EPS8: variants seen among roughly 807,000 people sequenced by gnomAD.
EPS8 encodes epidermal growth factor receptor kinase substrate 8.
In EPS8, 42 loss-of-function variants were observed where a neutral mutation model predicts 103.8. The ratio of observed to expected loss-of-function variants is 0.40; its 90% CI spans 0.32 to 0.52. The LOEUF is 0.52. Among genes scored for constraint, EPS8 ranks in the 20% least tolerant of loss-of-function variants. The pLI is 0.40. For synonymous variants in EPS8, 344 were observed against 344.6 expected (o/e 1.00, Z 0.02); for missense variants, 969 against 1,005.1 (o/e 0.96, Z 0.49).
chr12:15,729,719 A>G (rs993959169), intron 1 of EPS8, among the ~76,000 whole-genome samples: 1 of 152,018 alleles, frequency 6.6e-6, no homozygotes, highest in Admixed American at 6.5e-5. Context: ...TATCTTCTCA[A>G]TGTTGGAGAT....
At position 15,760,106 on chromosome 12, in the gene EPS8, G is replaced by C. The variant is rs888133580; in HGVS notation, c.-22+29055C>G. ...AAAGATCTAAGTAAATAAAATCAGA[G>C]ATGAAAAAGTAGACATTACAGCTGA... On this transcript the variant is annotated intron_variant, in intron 1 of 20. Transcript: ENST00000281172. This position sits in a 1 kb window ranked among gnomAD's most constrained non-coding sequence, Gnocchi z 4.5. 5.3e-5 allele frequency among the ~76,000 whole-genome samples: 8 copies of C among 151,812 alleles called. 1 individual carries two copies. Among genetic ancestry groups the C allele is most frequent in the Middle Eastern group, 3.2e-3 (1 of 316 alleles).
At chr12:15,626,969 C>T (rs1944957766) in intron 18 of EPS8, among the ~76,000 whole-genome samples, 1 of 152,146 alleles carries the variant, frequency 6.6e-6, no homozygotes, top group African/African-American at 2.4e-5. Context: ...GTCTCCAAAC[C>T]ACTTACCACC....
rs969301622 is a variant in EPS8 at position 15,657,980 on chromosome 12, G to A, written c.1101+99C>T. On this transcript the variant is annotated intron_variant, in intron 12 of 20. Coordinates refer to ENST00000281172, the MANE Select transcript of EPS8 (RefSeq NM_004447.6). ...CAAATGGCAAAGAAATAGTACCCAC[G>A]CAAGGTAATGAAGAAAAGCAGTCTA... The A allele has an allele frequency of 4.0e-5, 29 of 721,138 alleles. No homozygotes were observed. The African/African-American group carries it at 4.3e-4, about 11-fold the overall frequency. The allele number at this position is 721,138 out of a possible 1,614,324, so 44.7% of individuals were successfully genotyped here. A position where few individuals can be genotyped will look rare whatever the true frequency, so the allele number is the denominator to read the frequency against.
At position 15,731,001 on chromosome 12, in the gene EPS8, G is replaced by A. The variant is rs1344966248; in HGVS notation, c.-21-48029C>T. ...CTGCTTTAAAAATAGATTCACAGAT[G>A]ACATTTCAAATATCCCATTTACTTA... On this transcript the variant is annotated intron_variant, in intron 1 of 20. Coordinates refer to ENST00000281172, the MANE Select transcript of EPS8 (RefSeq NM_004447.6). The surrounding 1 kb of genome is among the most constrained non-coding windows in gnomAD (Gnocchi z 5.1). 6.6e-6 allele frequency among the ~76,000 whole-genome samples: 1 copy of A among 152,134 alleles called. No homozygotes were observed. Among genetic ancestry groups the A allele is most frequent in the Non-Finnish European group, 1.5e-5 (1 of 68,024 alleles).
intron 2 of EPS8, among the ~76,000 whole-genome samples, chr12:15,682,274 C>T (rs75320062): frequency 0.023 from 3,576 of 152,234 alleles, 47 homozygotes; most frequent in Middle Eastern, 0.054. Context: ...TTAAGAATTA[C>T]ATTTTATTTT....
chr12:15,685,034 T>C (rs1053033658), intron 1 of EPS8, among the ~76,000 whole-genome samples: 30 of 152,182 alleles, frequency 2.0e-4, no homozygotes, highest in African/African-American at 7.0e-4. Flanking sequence ...ATTCCCACCA[T>C]GGCCAATTTC....
At position 15,702,264 on chromosome 12, in the gene EPS8, A is replaced by C. The variant is rs1591874035; in HGVS notation, c.-21-19292T>G. On this transcript the variant is annotated intron_variant, in intron 1 of 20. Transcript: ENST00000281172. The surrounding 1 kb of genome is among the most constrained non-coding windows in gnomAD (Gnocchi z 5.1). ...GGTGCTCTTGGAAGCCTGCCTGTCC[A>C]GTGTGATTTTAGGGTTGAGAGAGTA... is the stretch of plus-strand genomic sequence containing the variant. Among the ~76,000 whole-genome samples, 1 of 152,382 alleles carries C rather than the reference A, an allele frequency of 6.6e-6. No individual in the cohort carries two copies. Among genetic ancestry groups the C allele is most frequent in the East Asian group, 1.9e-4 (1 of 5,190 alleles).
At chr12:15,782,152 T>G (rs1212285780) in intron 1 of EPS8, 1 of 152,168 alleles carries the variant, frequency 6.6e-6, no homozygotes, top group Non-Finnish European at 1.5e-5. Flanking sequence ...ACACAGATTT[T>G]TTTCAATAAA....
rs1221548030 is a variant in EPS8 at position 15,761,188 on chromosome 12, C to A, written c.-22+27973G>T. Among the ~76,000 whole-genome samples, 1 of 151,852 alleles carries A rather than the reference C, an allele frequency of 6.6e-6. No homozygotes were observed. ...AAGAAAAAAAAAGTAATCCCATTTA[C>A]AACAGCCACACATAAAATTAAATAC... On this transcript the variant is annotated intron_variant, in intron 1 of 20. Coordinates refer to ENST00000281172, the MANE Select transcript of EPS8 (RefSeq NM_004447.6). This position sits in a 1 kb window ranked among gnomAD's most constrained non-coding sequence, Gnocchi z 4.5.
rs140489803 is a variant in EPS8, at chr12:15,636,104, C to G, written c.1822-4440G>C. Among the ~76,000 whole-genome samples the G allele has an allele frequency of 3.3e-5, 5 of 152,138 alleles. No individual in the cohort carries two copies. The South Asian group carries it at 1.0e-3, about 32-fold the overall frequency. ...TGGGCAAAAGGGTAATTCTAGCAGA[C>G]GAGCAGTCACAGGGCTAGAGGTCAG... On this transcript the variant is annotated intron_variant, in intron 17 of 20. Coordinates refer to ENST00000281172, the MANE Select transcript of EPS8 (RefSeq NM_004447.6).
intron 14 of EPS8, among the ~76,000 whole-genome samples, chr12:15,647,792 G>A (rs925677631): frequency 4.6e-5 from 7 of 152,174 alleles, no homozygotes; most frequent in Non-Finnish European, 1.0e-4. Context: ...AAGAGTGACA[G>A]TTGAGGTTCA....
At chr12:15,743,297 T>C (rs562059954) in intron 1 of EPS8, among the ~76,000 whole-genome samples, 1 of 152,204 alleles carries the variant, frequency 6.6e-6, no homozygotes, top group Non-Finnish European at 1.5e-5. Context: ...TCCATGCTCA[T>C]GGATAGGAAG....
intron 1 of EPS8, among the ~76,000 whole-genome samples, chr12:15,719,590 G>C (rs1946572133): frequency 6.6e-6 from 1 of 152,182 alleles, no homozygotes; most frequent in African/African-American, 2.4e-5. Context: ...TAAATTGCCA[G>C]AGGACATATC....
At chr12:15,773,745 G>T (rs1230333095) in intron 1 of EPS8, among the ~76,000 whole-genome samples, 5 of 152,062 alleles carry the variant, frequency 3.3e-5, no homozygotes, top group Non-Finnish European at 7.4e-5. Flanking sequence ...TGAATCAAAT[G>T]CATATCATAG....
chr12:15,666,581 G>A, intron 6 of EPS8, 59 bp from the exon 7 acceptor site: 8 of 1,193,614 alleles, frequency 6.7e-6, no homozygotes, highest in Non-Finnish European at 9.9e-6. Flanking sequence ...TTGATATGTA[G>A]TTTAAAACAG....
chr12:15,662,643 C>T, intron 8 of EPS8: 16 of 985,340 alleles, frequency 1.6e-5, no homozygotes, highest in Non-Finnish European at 1.9e-5. Flanking sequence ...TAAAAGCAGA[C>T]AGAAATTTTC....
intron 17 of EPS8, among the ~76,000 whole-genome samples, chr12:15,639,119 A>G (rs896522280): frequency 1.3e-5 from 2 of 152,194 alleles, no homozygotes; most frequent in African/African-American, 2.4e-5. Context: ...CCTTTTGCTC[A>G]CATATGGGGA....
chr12:15,663,723 G>C (rs1371224157), intron 8 of EPS8, among the ~76,000 whole-genome samples: 1 of 150,910 alleles, frequency 6.6e-6, no homozygotes, highest in African/African-American at 2.4e-5. Flanking sequence ...AGGAGATCAA[G>C]ACAATCCTGG....
intron 3 of EPS8, among the ~76,000 whole-genome samples, chr12:15,672,835 A>C (rs1945839848): frequency 6.6e-6 from 1 of 152,204 alleles, no homozygotes; most frequent in Admixed American, 6.5e-5. Flanking sequence ...GATTCAGAGC[A>C]GGAGGGCTCG....
Sources: allele counts gnomAD v4.1 joint callset (sites outside exome capture counted in the v4.1 genomes callset), GRCh38; gene constraint gnomAD v4.1.1; non-coding constraint Gnocchi (gnomAD v3.1); transcripts MANE v1.5; gene names NCBI Gene and HGNC (gene_info 2026-07-23, HGNC 2026-07-21).